DMKN: variants seen among roughly 807,000 people sequenced by gnomAD.
DMKN encodes epidermis-specific secreted protein SK30/SK89.
A neutral mutation model predicts 67.6 loss-of-function variants in DMKN; 58 were observed. The observed-to-expected ratio is 0.86, with a 90% CI of 0.69 to 1.07. The LOEUF is 1.07. DMKN is among the 50% of genes least tolerant of loss of function. DMKN has a pLI of 0.00. For synonymous variants in DMKN, 240 were observed against 232.3 expected (o/e 1.03, Z -0.30); for missense variants, 596 against 601.5 (o/e 0.99, Z 0.10).
At chr19:35,506,283 T>C (rs1202141478) in intron 7 of DMKN, 42 of 1,241,844 alleles carry the variant, frequency 3.4e-5, no homozygotes, top group Non-Finnish European at 4.5e-5. Flanking sequence ...CCCACCTCGG[T>C]CCAGGCTTCC....
At chr19:35,506,544 A>G in intron 7 of DMKN, 1 of 488,212 alleles carries the variant, frequency 2.0e-6, no homozygotes, top group South Asian at 1.5e-5. Context: ...TCTGGACTCC[A>G]CAACACCTTG....
Position 35,502,313 on chromosome 19 carries a change from G to A in DMKN, c.1192-130C>T. ...GGGTGTGGCTTGGGGTTGGAGGAAG[G>A]TAAGCACGTGGGAGATTGAGGGTGT... On this transcript the variant is annotated intron_variant, in intron 10 of 15. Coordinates refer to ENST00000339686, the MANE Select transcript of DMKN (RefSeq NM_033317.5). 4.9e-6 allele frequency: 4 copies of A among 822,936 alleles called. No individual in the cohort carries two copies. The South Asian group carries it at 5.6e-5, about 12-fold the overall frequency. The allele number at this position is 822,936 out of a possible 1,614,324, so 51.0% of individuals were successfully genotyped here.
At chr19:35,502,258 A>C in intron 10 of DMKN, 75 bp from the exon 11 acceptor site, 1 of 1,458,866 alleles carries the variant, frequency 6.9e-7, no homozygotes, top group Non-Finnish European at 9.6e-7. Context: ...AATTGGGGGG[A>C]TTCCAGATCT....
intron 15 of DMKN, chr19:35,497,837 A>T (rs2067696682): frequency 6.6e-6 from 1 of 152,256 alleles, no homozygotes; most frequent in South Asian, 2.1e-4. Flanking sequence ...CATCTAGAAC[A>T]CCATCTTCTC....
intron 11 of DMKN, 181 bp downstream of exon 11, chr19:35,501,955 C>T (rs1055257205): frequency 1.9e-5 from 29 of 1,551,968 alleles, no homozygotes; most frequent in Non-Finnish European, 2.5e-5. Flanking sequence ...TAGGGAGGTC[C>T]TCCCACCCTG....
chr19:35,512,758 A>G lies in DMKN; in HGVS notation c.459T>C (p.Ser153=), dbSNP rs770639460. ...GGCCCTGGCCTCCAAGGCCACCTTG[A>G]GAGCCAAAGATGCCATGGCCTCCAG... ...ETSGGHGIFG[S]QGGLGGQGQG... The change falls in exon 2 of 16, where the codon TCT becomes TCC. Residue 153 remains serine (S), a synonymous_variant. Transcript: ENST00000339686. 1 of 1,613,976 alleles carries G rather than the reference A, an allele frequency of 6.2e-7. No homozygotes were observed. Among genetic ancestry groups the G allele is most frequent in the South Asian group, 1.1e-5 (1 of 91,078 alleles).
At chr19:35,500,615 G>A (rs370675371) in intron 11 of DMKN, 35 bp from the exon 12 acceptor site, 86 of 1,589,776 alleles carry the variant, frequency 5.4e-5, no homozygotes, top group Admixed American at 6.8e-5. Flanking sequence ...TCGTGCCTCC[G>A]CAGTCGTGCG....
intron 9 of DMKN, 115 bp from the exon 10 acceptor site, chr19:35,503,001 G>T: frequency 8.1e-7 from 1 of 1,227,118 alleles, no homozygotes; most frequent in Non-Finnish European, 1.1e-6. Context: ...TAAGGTTGGG[G>T]ATGGGAGGAG....
chr19:35,502,936 A>T (rs2068682348), intron 9 of DMKN, 50 bp from the exon 10 acceptor site: 1 of 1,570,012 alleles, frequency 6.4e-7, no homozygotes, highest in African/African-American at 1.4e-5. Context: ...GGGCCCACTC[A>T]CCCACCCCTC....
rs199729789 is a variant in DMKN at position 35,500,073 on chromosome 19, G to A, written c.1288-44C>T. 2.4e-5 allele frequency: 38 copies of A among 1,607,790 alleles called. No individual in the cohort carries two copies. In the East Asian group the frequency reaches 6.9e-4, roughly 29 times the overall value. On this transcript the variant is annotated intron_variant, in intron 12 of 15. Transcript: ENST00000339686. ...TGGCGGTTAGAACAGACGGACGAAG[G>A]CCATTTTGCTCTGGAATAAACATCC...
intron 9 of DMKN, among the ~76,000 whole-genome samples, chr19:35,505,256 G>C (rs759895197): frequency 6.6e-6 from 1 of 152,188 alleles, no homozygotes; most frequent in East Asian, 1.9e-4. Flanking sequence ...GGGGTTCTGC[G>C]CCCCAGCTGT....
Position 35,502,111 on chromosome 19 carries a change from A to G in DMKN, c.1239+25T>C, listed in dbSNP as rs771839416. 2.5e-6 allele frequency: 4 copies of G among 1,613,988 alleles called. No individual in the cohort carries two copies. In the African/African-American group the frequency reaches 5.3e-5, roughly 22 times the overall value. ...CAGGGCCCCGAACCCTGTGTCCCAG[A>G]GCTGAGAAGTCCTGCCCCCCTTACC... is the stretch of plus-strand genomic sequence containing the variant. On this transcript the variant is annotated intron_variant, in intron 11 of 15. Coordinates refer to ENST00000339686, the MANE Select transcript of DMKN (RefSeq NM_033317.5).
At chr19:35,502,260 T>G in intron 10 of DMKN, 77 bp from the exon 11 acceptor site, 31 of 1,454,340 alleles carry the variant, frequency 2.1e-5, no homozygotes, top group Non-Finnish European at 2.9e-5. Context: ...TTGGGGGGAT[T>G]CCAGATCTCG....
chr19:35,502,002 C>A, intron 11 of DMKN, 134 bp downstream of exon 11: 1 of 1,556,296 alleles, frequency 6.4e-7, no homozygotes, highest in Non-Finnish European at 8.7e-7. Flanking sequence ...TCTCACCCCG[C>A]CCCCACTCGG....
At chr19:35,504,446 G>A (rs117780244) in intron 9 of DMKN, among the ~76,000 whole-genome samples, 39 of 151,876 alleles carry the variant, frequency 2.6e-4, no homozygotes, top group Admixed American at 1.0e-3. Context: ...GTGTGGTGGC[G>A]GGCACCTGTA....
Position 35,511,488 on chromosome 19 carries a change from T to C in DMKN, c.841A>G (p.Ser281Gly), listed in dbSNP as rs371511253. 9.3e-5 allele frequency: 101 copies of C among 1,088,842 alleles called. No individual in the cohort carries two copies. In the African/African-American group the frequency reaches 2.1e-3, roughly 23 times the overall value. 67.4% of individuals were successfully genotyped at this position (1,088,842 alleles called of 1,614,324 possible). A position where few individuals can be genotyped will look rare whatever the true frequency, so the allele number is the denominator to read the frequency against. The change falls in exon 5 of 16, where the codon AGC (serine) becomes GGC (glycine). Residue 281 changes from serine to glycine, a missense_variant. By Grantham distance (56) the Ser-to-Gly change is moderately conservative. Coordinates refer to ENST00000339686, the MANE Select transcript of DMKN (RefSeq NM_033317.5). ...GSSSGSSSGG[S>G]SGGSSGGSSG... is the part of the protein sequence containing the mutation. ...CTGCCACCACTGCTGCCGCCACTGC[T>C]GCCGCCACTGCTGCTGCCACTGCTG...
chr19:35,513,168 G>A lies in DMKN; in HGVS notation c.308C>T (p.Ala103Val), dbSNP rs1370270887. The A allele has an allele frequency of 1.2e-6, 2 of 1,614,200 alleles. No individual in the cohort carries two copies. The highest frequency in any genetic ancestry group is 1.3e-5 in the African/African-American group (1 of 75,046). ...GTGCCCAGTGTTTCCCAGAGCATGG[G>A]CTGCTTCCCCGACCCTGTTGCCCAA... is the stretch of plus-strand genomic sequence containing the variant. ...DALGNRVGEA[A>V]HALGNTGHEI... The change falls in exon 1 of 16, where the codon GCC becomes GTC. Residue 103 changes from alanine to valine, a missense_variant. Transcript: ENST00000339686.
Position 35,513,062 on chromosome 19 carries a change from G to C in DMKN, c.414C>G (p.His138Gln). Residue 138 changes from histidine to glutamine, a missense_variant, in exon 1 of 16, where the codon CAC becomes CAG. By Grantham distance (24) the His-to-Gln change is conservative (BLOSUM62 0). Coordinates refer to ENST00000339686, the MANE Select transcript of DMKN (RefSeq NM_033317.5). ...CACAGCCACTCACCCAAGCACCATT[G>C]TGGCCAGGCACCCCCTGCCAGGAGC... ...VRGSWQGVPG[H>Q]NGAWETSGGH... is the part of the protein sequence containing the mutation. 6.2e-7 allele frequency: 1 copy of C among 1,613,662 alleles called. No homozygotes were observed. The highest frequency in any genetic ancestry group is 8.5e-7 in the Non-Finnish European group (1 of 1,180,008).
chr19:35,506,401 C>G, intron 7 of DMKN: 1 of 639,964 alleles, frequency 1.6e-6, no homozygotes, highest in Non-Finnish European at 2.8e-6. Flanking sequence ...CACCCAGTCC[C>G]CTGAATCTCA....
Sources: allele counts gnomAD v4.1 joint callset (sites outside exome capture counted in the v4.1 genomes callset), GRCh38; gene constraint gnomAD v4.1.1; transcripts MANE v1.5; gene names NCBI Gene and HGNC (gene_info 2026-07-23, HGNC 2026-07-21).